PIP5K1B: variants seen among roughly 807,000 people sequenced by gnomAD.
PIP5K1B encodes the protein phosphatidylinositol-4-phosphate 5-kinase type 1 beta, also known as phosphatidylinositol 4-phosphate 5-kinase type-1 beta.
A neutral mutation model predicts 67.0 loss-of-function variants in PIP5K1B; 42 were observed. That is an observed-to-expected ratio of 0.63 (90% CI 0.49 to 0.81). The LOEUF is 0.81. PIP5K1B is among the 30% of genes least tolerant of loss of function. The probability of loss-of-function intolerance (pLI) is 0.00; values close to 1 mark genes in which losing one functional copy is unlikely to be tolerated. For synonymous variants in PIP5K1B, 214 were observed against 231.4 expected, an observed-to-expected ratio of 0.92 and a Z score of 0.68; for missense variants, 459 against 646.3, an observed-to-expected ratio of 0.71 and a Z score of 3.14.
intron 15 of PIP5K1B, among the ~76,000 whole-genome samples, chr9:69,007,802 A>T (rs1343452720): frequency 6.6e-6 from 1 of 152,000 alleles, no homozygotes; most frequent in Non-Finnish European, 1.5e-5. Flanking sequence ...GGTTGCGGTG[A>T]GCTGAGATCT....
chr9:68,783,786 C>CA, intron 2 of PIP5K1B: 1 of 167,180 alleles, frequency 6.0e-6, no homozygotes, highest in East Asian at 1.9e-4. Context: ...GTGCTCCTCA[C>CA]ACTCACTCTG....
At chr9:68,805,214 G>A (rs540372449) in intron 2 of PIP5K1B, among the ~76,000 whole-genome samples, 21 of 152,326 alleles carry the variant, frequency 1.4e-4, no homozygotes, top group Admixed American at 7.8e-4. Flanking sequence ...CATGTGGGGC[G>A]CAGGGGGCCC....
chr9:68,891,866 CATG>C (rs1824809175), intron 7 of PIP5K1B, among the ~76,000 whole-genome samples: 1 of 152,072 alleles, frequency 6.6e-6, no homozygotes, highest in South Asian at 2.1e-4. Flanking sequence ...AGATCCTGTT[CATG>C]ATGACAACAA....
chr9:68,849,279 T>C (rs1405883899), intron 4 of PIP5K1B, among the ~76,000 whole-genome samples: 1 of 152,202 alleles, frequency 6.6e-6, no homozygotes, highest in Non-Finnish European at 1.5e-5. Context: ...TGAAAATCTA[T>C]GTAACCATTA....
intron 6 of PIP5K1B, among the ~76,000 whole-genome samples, chr9:68,878,403 T>C (rs982397621): frequency 5.3e-5 from 8 of 152,190 alleles, no homozygotes; most frequent in South Asian, 2.1e-4. Context: ...AAGATCCTTT[T>C]CTGAACAACT....
intron 6 of PIP5K1B, among the ~76,000 whole-genome samples, chr9:68,882,222 T>C (rs933310355): frequency 2.6e-4 from 40 of 152,208 alleles, no homozygotes; most frequent in Non-Finnish European, 8.8e-5. Context: ...ATCTCTCCTC[T>C]TCATTTGCTC....
chr9:68,734,591 C>T (rs1449613899), intron 1 of PIP5K1B, among the ~76,000 whole-genome samples: 5 of 152,160 alleles, frequency 3.3e-5, no homozygotes, highest in Admixed American at 6.5e-5. Context: ...CTTTTTCTCT[C>T]TACTTATTTT....
chr9:68,776,504 G>A (rs1371411541), intron 2 of PIP5K1B, among the ~76,000 whole-genome samples: 1 of 151,400 alleles, frequency 6.6e-6, no homozygotes, highest in East Asian at 1.9e-4. Context: ...ATAAGATGAG[G>A]TCTCTCTCTT....
At chr9:68,991,396 A>C (rs753783031) in intron 15 of PIP5K1B, 139 bp downstream of exon 15, 5 of 610,546 alleles carry the variant, frequency 8.2e-6, no homozygotes, top group Non-Finnish European at 1.5e-5. Context: ...CACTTCTGCA[A>C]ATGGTGCTTC....
At chr9:68,722,492 G>A (rs984813746) in intron 1 of PIP5K1B, among the ~76,000 whole-genome samples, 1 of 152,092 alleles carries the variant, frequency 6.6e-6, no homozygotes, top group African/African-American at 2.4e-5. Flanking sequence ...TGGGATTACA[G>A]GTGTGAGCCA....
chr9:68,978,194 G>C (rs923170092), intron 14 of PIP5K1B, among the ~76,000 whole-genome samples: 1 of 152,120 alleles, frequency 6.6e-6, no homozygotes, highest in Non-Finnish European at 1.5e-5. Context: ...TACACAATAC[G>C]TGATTATTAA....
intron 15 of PIP5K1B, among the ~76,000 whole-genome samples, chr9:68,997,638 C>T (rs1564305363): frequency 6.6e-6 from 1 of 152,158 alleles, no homozygotes; most frequent in Admixed American, 6.5e-5. Context: ...TCCAGAAATG[C>T]TTGGCCCCTA....
At chr9:68,725,695 G>A (rs1828116567) in intron 1 of PIP5K1B, among the ~76,000 whole-genome samples, 1 of 152,184 alleles carries the variant, frequency 6.6e-6, no homozygotes, top group South Asian at 2.1e-4. Context: ...AGAGTGGCAT[G>A]CTTTTATCTT....
chr9:68,732,874 A>G (rs12340186), intron 1 of PIP5K1B, among the ~76,000 whole-genome samples: 13,309 of 142,234 alleles, frequency 0.094, 1,921 homozygotes, highest in African/African-American at 0.32. Context: ...GCAGGCATCC[A>G]TGAAAAGCTC....
chr9:68,909,606 T>C (rs547310784), intron 8 of PIP5K1B, among the ~76,000 whole-genome samples: 1 of 152,330 alleles, frequency 6.6e-6, no homozygotes, highest in African/African-American at 2.4e-5. Flanking sequence ...GTTGAAGATA[T>C]TGGTTTGTTT....
intron 4 of PIP5K1B, among the ~76,000 whole-genome samples, chr9:68,836,748 T>C (rs1834633998): frequency 6.6e-6 from 1 of 152,202 alleles, no homozygotes; most frequent in South Asian, 2.1e-4. Context: ...AACTACACTT[T>C]ATGATAAAGC....
At chr9:68,868,250 AAAG>A (rs1823455662) in intron 5 of PIP5K1B, among the ~76,000 whole-genome samples, 1 of 152,220 alleles carries the variant, frequency 6.6e-6, no homozygotes, top group South Asian at 2.1e-4. Context: ...TTGATAGGAT[AAAG>A]AAGAAGGAGG....
intron 7 of PIP5K1B, among the ~76,000 whole-genome samples, chr9:68,893,458 C>T (rs1456930196): frequency 1.3e-5 from 2 of 151,426 alleles, no homozygotes; most frequent in African/African-American, 2.4e-5. Flanking sequence ...CTCAGCCTCC[C>T]GAGTAGCTGG....
At chr9:68,838,011 T>C (rs1821716006) in intron 4 of PIP5K1B, among the ~76,000 whole-genome samples, 1 of 152,014 alleles carries the variant, frequency 6.6e-6, no homozygotes, top group Non-Finnish European at 1.5e-5. Context: ...TTATACCTAT[T>C]TTTAGTTGAA....
Sources: allele counts gnomAD v4.1 joint callset (sites outside exome capture counted in the v4.1 genomes callset), GRCh38; gene constraint gnomAD v4.1.1; transcripts MANE v1.5; gene names NCBI Gene and HGNC (gene_info 2026-07-23, HGNC 2026-07-21).